Variants in SLX9 observed in about 807,000 individuals in gnomAD.
The protein encoded by SLX9 is SLX9 ribosome biogenesis factor, also known as ribosome biogenesis protein SLX9 homolog.
In SLX9, 19 loss-of-function variants were observed where a neutral mutation model predicts 20.8. The ratio of observed to expected loss-of-function variants is 0.91; its 90% CI spans 0.64 to 1.34. SLX9 has a LOEUF of 1.34. Ranked by LOEUF, SLX9 falls within the 40% of genes most tolerant of loss-of-function variation. The pLI, the probability that SLX9 is intolerant of heterozygous loss-of-function variation, is 0.00. For synonymous variants in SLX9, 113 were observed against 137.1 expected, an observed-to-expected ratio of 0.82 and a Z score of 1.23; for missense variants, 299 against 322.2, an observed-to-expected ratio of 0.93 and a Z score of 0.55.
At chr21:44,972,330 G>A (rs73909903) in intron 4 of SLX9, among the ~76,000 whole-genome samples, 11,923 of 152,236 alleles carry the variant, frequency 0.078, 1,557 homozygotes, top group African/African-American at 0.27. Context: ...GAGTGCAGGC[G>A]AGCTCCCGAA....
intron 5 of SLX9, among the ~76,000 whole-genome samples, chr21:44,976,420 G>C (rs1050854117): frequency 6.6e-6 from 1 of 152,212 alleles, no homozygotes; most frequent in Non-Finnish European, 1.5e-5. Flanking sequence ...AGCCCCATCA[G>C]CCCCAGACTT....
At chr21:44,953,256 G>A (rs150248455) in intron 2 of SLX9, among the ~76,000 whole-genome samples, 1,617 of 152,346 alleles carry the variant, frequency 0.011, 21 homozygotes, top group Admixed American at 0.021. Context: ...CATGTTCAGG[G>A]GCCCTGGGCA....
intron 2 of SLX9, among the ~76,000 whole-genome samples, chr21:44,957,372 C>T (rs1386223575): frequency 3.9e-5 from 6 of 152,206 alleles, no homozygotes; most frequent in East Asian, 1.9e-4. Context: ...CTCGTGAGCC[C>T]GGTGCCTCTA....
At chr21:44,960,836 G>T (rs527237913) in intron 3 of SLX9, among the ~76,000 whole-genome samples, 1 of 152,202 alleles carries the variant, frequency 6.6e-6, no homozygotes, top group Non-Finnish European at 1.5e-5. Flanking sequence ...ATATTTGCCA[G>T]TGTTTTTCTA....
intron 3 of SLX9, among the ~76,000 whole-genome samples, chr21:44,960,702 T>C (rs997651896): frequency 3.3e-5 from 5 of 152,252 alleles, no homozygotes; most frequent in Non-Finnish European, 5.9e-5. Context: ...CTTTCAGGCC[T>C]GTGGCTCCCT....
intron 5 of SLX9, among the ~76,000 whole-genome samples, chr21:44,973,550 G>A (rs1489694092): frequency 4.0e-5 from 1 of 24,730 alleles, no homozygotes; most frequent in African/African-American, 2.2e-4. Flanking sequence ...CCCTCTCCAG[G>A]GGTTCAGCTC....
chr21:44,969,099 C>T (rs1203007269), intron 4 of SLX9: 1 of 451,142 alleles, frequency 2.2e-6, no homozygotes, highest in Admixed American at 2.4e-5. Context: ...ACTAACTTTC[C>T]ATCTGGGCAG....
At chr21:44,941,148 C>G (rs995866714) in intron 1 of SLX9, among the ~76,000 whole-genome samples, 2 of 151,986 alleles carry the variant, frequency 1.3e-5, no homozygotes, top group African/African-American at 4.8e-5. Context: ...GTCATTATAC[C>G]TTCGTTTAGT....
chr21:44,949,179 G>C (rs7278296), intron 2 of SLX9, among the ~76,000 whole-genome samples: 10,308 of 152,246 alleles, frequency 0.068, 1,137 homozygotes, highest in African/African-American at 0.23. Context: ...CCAGGGTCCC[G>C]AGCCCCGACT....
intron 5 of SLX9, among the ~76,000 whole-genome samples, chr21:44,974,797 G>C (rs957059365): frequency 1.2e-4 from 19 of 152,200 alleles, no homozygotes; most frequent in Admixed American, 1.3e-4. Flanking sequence ...GAGACAGTTT[G>C]CGAACAGCAG....
At chr21:44,954,633 C>T (rs1292121206) in intron 2 of SLX9, among the ~76,000 whole-genome samples, 1 of 152,164 alleles carries the variant, frequency 6.6e-6, no homozygotes, top group African/African-American at 2.4e-5. Context: ...CTGGGCTCCT[C>T]AGCACAGTAG....
intron 3 of SLX9, among the ~76,000 whole-genome samples, chr21:44,963,250 G>A (rs543073221): frequency 8.5e-5 from 13 of 152,072 alleles, no homozygotes; most frequent in Middle Eastern, 3.4e-3. Flanking sequence ...CACCGTGCCC[G>A]GCTAATTTTT....
chr21:44,956,485 GC>G (rs1274763238), intron 2 of SLX9, among the ~76,000 whole-genome samples: 1 of 152,216 alleles, frequency 6.6e-6, no homozygotes, highest in Non-Finnish European at 1.5e-5. Context: ...ACCACGAGAT[GC>G]TGCTGGCATG....
intron 2 of SLX9, among the ~76,000 whole-genome samples, chr21:44,959,049 T>C (rs867834387): frequency 2.6e-5 from 4 of 152,162 alleles, no homozygotes; most frequent in South Asian, 2.1e-4. Flanking sequence ...TGGGATGCTA[T>C]GGAGGAAAGT....
At chr21:44,967,353 T>C (rs1212347207) in intron 4 of SLX9, among the ~76,000 whole-genome samples, 172 bp downstream of exon 4, 2 of 152,202 alleles carry the variant, frequency 1.3e-5, no homozygotes, top group Non-Finnish European at 2.9e-5. Flanking sequence ...GGGCGTGAGC[T>C]CGTGAGGCCC....
chr21:44,953,864 C>T (rs1181333969), intron 2 of SLX9, among the ~76,000 whole-genome samples: 1 of 152,230 alleles, frequency 6.6e-6, no homozygotes, highest in African/African-American at 2.4e-5. Flanking sequence ...CTCGGCCGCA[C>T]CCCAAGGCCT....
rs141472591 is a variant in SLX9, at chr21:44,972,130, G to GGGCT, written c.501-1064_501-1061dup. On this transcript the variant is annotated intron_variant, in intron 4 of 5. Transcript: ENST00000291634. Reference sequence around the variant, plus strand: ...GTCTCCTGGCCCGAGGCTAAGTGTAGGGCTGGTCTGAGGACTCTGCGTCTC... The same window carrying GGGCT: ...GTCTCCTGGCCCGAGGCTAAGTGTAGGGCTGGCTGGTCTGAGGACTCTGCGTCTC... Among the ~76,000 whole-genome samples, 1,485 of 152,280 alleles carry GGGCT rather than the reference G, an allele frequency of 9.8e-3. 33 individuals carry two copies. The highest frequency in any genetic ancestry group is 0.034 in the African/African-American group (1,394 of 41,550).
At chr21:44,974,999 C>T (rs2123471251) in intron 5 of SLX9, among the ~76,000 whole-genome samples, 1 of 152,338 alleles carries the variant, frequency 6.6e-6, no homozygotes, top group African/African-American at 2.4e-5. Context: ...CTCAGGTTAA[C>T]GGGTCTCCTG....
intron 4 of SLX9, among the ~76,000 whole-genome samples, chr21:44,968,552 G>C (rs1207357925): frequency 6.6e-6 from 1 of 152,176 alleles, no homozygotes; most frequent in Non-Finnish European, 1.5e-5. Context: ...CTTTGTGCCT[G>C]GGTCACATGC....
Sources: gnomAD v4.1 joint callset for allele counts (sites outside exome capture counted in the v4.1 genomes callset) on GRCh38, gnomAD v4.1.1 for gene constraint, MANE v1.5 for transcripts, NCBI Gene and HGNC (gene_info 2026-07-23, HGNC 2026-07-21) for gene names.